Variants in PPP3CC observed in about 807,000 individuals in gnomAD.
The protein encoded by PPP3CC is protein phosphatase 3 catalytic subunit gamma.
A neutral mutation model predicts 60.3 loss-of-function variants in PPP3CC; 35 were observed. The ratio of observed to expected loss-of-function variants is 0.58; its 90% CI spans 0.44 to 0.77. The LOEUF is 0.77. Among genes scored for constraint, PPP3CC ranks in the 30% least tolerant of loss-of-function variants. The pLI is 0.00. For missense variants in PPP3CC, 570 were observed against 628.9 expected (o/e 0.91, Z 1.00); for synonymous variants, 206 against 224.3 (o/e 0.92, Z 0.73).
chr8:22,505,276 C>T (rs1190861404), intron 4 of PPP3CC, among the ~76,000 whole-genome samples: 1 of 152,064 alleles, frequency 6.6e-6, no homozygotes, highest in Non-Finnish European at 1.5e-5. Context: ...CCACCTGCCT[C>T]GGCCTCCCAA....
intron 12 of PPP3CC, among the ~76,000 whole-genome samples, chr8:22,536,954 A>T (rs1424821291): frequency 2.0e-5 from 3 of 152,214 alleles, no homozygotes; most frequent in Non-Finnish European, 4.4e-5. Context: ...ACAAAGGTAA[A>T]TAAAAATAAA....
Position 22,540,719 on chromosome 8 carries a change from G to T in PPP3CC, c.1456G>T (p.Ala486Ser), listed in dbSNP as rs558233561. 3 of 1,614,134 alleles carry T rather than the reference G, an allele frequency of 1.9e-6. No individual in the cohort carries two copies. Among genetic ancestry groups the T allele is most frequent in the Non-Finnish European group, 2.5e-6 (3 of 1,180,030 alleles). The change falls in exon 14 of 14, where the codon GCT (alanine) becomes TCT (serine). Residue 486 changes from alanine to serine, a missense_variant. Physicochemically the swap from Ala to Ser is moderately conservative, Grantham distance 99. Coordinates refer to ENST00000240139, the MANE Select transcript of PPP3CC (RefSeq NM_005605.5). ...RMPPRKDSIHAGGPMKSVTSA... is the reference protein window; with the variant it reads ...RMPPRKDSIHSGGPMKSVTSA... ...GCCACCCCGAAAGGATAGCATACAC[G>T]CTGGTGGGCCAATGAAATCTGTAAC...
intron 6 of PPP3CC, among the ~76,000 whole-genome samples, chr8:22,521,426 A>T (rs1839402180): frequency 6.6e-6 from 1 of 152,090 alleles, no homozygotes; most frequent in South Asian, 2.1e-4. Context: ...TTTACAAGGG[A>T]CAGGCTGATT....
At chr8:22,523,464 T>C (rs776080079) in intron 8 of PPP3CC, among the ~76,000 whole-genome samples, 2 of 152,228 alleles carry the variant, frequency 1.3e-5, no homozygotes, top group African/African-American at 2.4e-5. Flanking sequence ...ACTATTTTGT[T>C]GTTTATAAAG....
At chr8:22,469,787 G>A (rs1837659285) in intron 1 of PPP3CC, among the ~76,000 whole-genome samples, 1 of 151,832 alleles carries the variant, frequency 6.6e-6, no homozygotes, top group African/African-American at 2.4e-5. Flanking sequence ...AAGTTGCGGA[G>A]CAGAGACAAG....
At chr8:22,467,169 A>G (rs13271691) in intron 1 of PPP3CC, among the ~76,000 whole-genome samples, 53,856 of 152,008 alleles carry the variant, frequency 0.35, 10,407 homozygotes, top group East Asian at 0.51. Context: ...GATCTAAGTA[A>G]ATTATATCTA....
At chr8:22,536,983 G>T (rs1449595984) in intron 12 of PPP3CC, among the ~76,000 whole-genome samples, 1 of 152,166 alleles carries the variant, frequency 6.6e-6, no homozygotes, top group Non-Finnish European at 1.5e-5. Flanking sequence ...CCACAAATTT[G>T]ACTCTAAGCA....
chr8:22,497,744 G>A (rs1159097242), intron 3 of PPP3CC, among the ~76,000 whole-genome samples: 3 of 152,052 alleles, frequency 2.0e-5, no homozygotes, highest in Non-Finnish European at 2.9e-5. Flanking sequence ...CAGGTTTTAC[G>A]ACTAATATAT....
intron 1 of PPP3CC, among the ~76,000 whole-genome samples, chr8:22,445,180 T>TA (rs1432652202): frequency 6.6e-6 from 1 of 152,232 alleles, no homozygotes; most frequent in Non-Finnish European, 1.5e-5. Flanking sequence ...GTTTCTTTAA[T>TA]ATCGTGGCAC....
chr8:22,453,211 G>A (rs967466827), intron 1 of PPP3CC, among the ~76,000 whole-genome samples: 1 of 152,128 alleles, frequency 6.6e-6, no homozygotes, highest in Admixed American at 6.5e-5. Context: ...CATAGTGGGT[G>A]GTTAATAAAT....
intron 1 of PPP3CC, among the ~76,000 whole-genome samples, chr8:22,445,455 T>C (rs768005046): frequency 2.0e-5 from 3 of 152,204 alleles, no homozygotes; most frequent in Non-Finnish European, 4.4e-5. Flanking sequence ...AGACTTCATA[T>C]TCCTTCCCAG....
At chr8:22,508,686 A>C (rs1160710129) in intron 4 of PPP3CC, among the ~76,000 whole-genome samples, 1 of 152,226 alleles carries the variant, frequency 6.6e-6, no homozygotes, top group Non-Finnish European at 1.5e-5. Context: ...CCTCTATTCA[A>C]GTGTGGAACT....
intron 3 of PPP3CC, among the ~76,000 whole-genome samples, chr8:22,477,723 C>G (rs1837936863): frequency 6.6e-6 from 1 of 151,920 alleles, no homozygotes; most frequent in Non-Finnish European, 1.5e-5. Flanking sequence ...ACCTCAGCCT[C>G]CAACTCCTGG....
chr8:22,540,494 C>A, intron 13 of PPP3CC, 121 bp from the exon 14 acceptor site: 3 of 963,300 alleles, frequency 3.1e-6, no homozygotes, highest in South Asian at 1.7e-5. Context: ...TAGACGTGTG[C>A]TCCATAGCCA....
intron 3 of PPP3CC, among the ~76,000 whole-genome samples, chr8:22,483,765 G>A (rs1838140953): frequency 1.3e-5 from 2 of 152,010 alleles, no homozygotes; most frequent in South Asian, 2.1e-4. Context: ...ATGAAAATTT[G>A]CCACATAAGA....
At chr8:22,451,420 GC>G (rs1183569122) in intron 1 of PPP3CC, among the ~76,000 whole-genome samples, 1 of 152,248 alleles carries the variant, frequency 6.6e-6, no homozygotes, top group Admixed American at 6.5e-5. Flanking sequence ...ACAGGCGTGA[GC>G]CACTGTGTCC....
Position 22,541,025 on chromosome 8 carries a change from C to A in PPP3CC, c.*223C>A. On this transcript the variant is annotated 3_prime_UTR_variant, in exon 14 of 14. Coordinates refer to ENST00000240139, the MANE Select transcript of PPP3CC (RefSeq NM_005605.5). ...CTGTTTTGTTTTTCCCTTTTTTCTCCATAATTTTAAGAAATGAATCTGATT... is the reference window on the plus strand; with the variant it reads ...CTGTTTTGTTTTTCCCTTTTTTCTCAATAATTTTAAGAAATGAATCTGATT... 1 of 324,930 alleles carries A rather than the reference C, an allele frequency of 3.1e-6. No homozygotes were observed. The highest frequency in any genetic ancestry group is 5.4e-6 in the Non-Finnish European group (1 of 183,706). 20.1% of individuals were successfully genotyped at this position (324,930 alleles called of 1,614,324 possible).
At chr8:22,480,799 A>C (rs1838040076) in intron 3 of PPP3CC, among the ~76,000 whole-genome samples, 1 of 152,160 alleles carries the variant, frequency 6.6e-6, no homozygotes, top group South Asian at 2.1e-4. Context: ...TTTTAGGTCA[A>C]AAGTACTTAA....
chr8:22,477,845 A>G (rs1247086513), intron 3 of PPP3CC, among the ~76,000 whole-genome samples: 3 of 151,802 alleles, frequency 2.0e-5, no homozygotes, highest in African/African-American at 7.3e-5. Context: ...ATATTTATTT[A>G]TTTATTTATT....
Sources: allele counts gnomAD v4.1 joint callset (sites outside exome capture counted in the v4.1 genomes callset), GRCh38; gene constraint gnomAD v4.1.1; transcripts MANE v1.5; gene names NCBI Gene and HGNC (gene_info 2026-07-23, HGNC 2026-07-21).